The following AHCYL2 variants were observed in gnomAD, a reference collection of about 807,000 sequenced individuals.
The protein encoded by AHCYL2 is adenosylhomocysteinase like 2.
A neutral mutation model predicts 81.4 loss-of-function variants in AHCYL2; 28 were observed. The observed-to-expected ratio is 0.34, with a 90% CI of 0.25 to 0.47. The LOEUF (loss-of-function observed/expected upper bound fraction) is 0.47. Among genes scored for constraint, AHCYL2 ranks in the 20% least tolerant of loss-of-function variants. AHCYL2 has a pLI of 1.00. For missense variants in AHCYL2, 551 were observed against 785.1 expected (o/e 0.70, Z 3.56); for synonymous variants, 272 against 290.2 (o/e 0.94, Z 0.64).
intron 1 of AHCYL2, among the ~76,000 whole-genome samples, chr7:129,286,686 C>T (rs1796641838): frequency 6.6e-6 from 1 of 152,138 alleles, no homozygotes; most frequent in African/African-American, 2.4e-5. Flanking sequence ...GTCTCCAACT[C>T]CTGACCTCAA....
chr7:129,318,920 A>AT lies in AHCYL2; in HGVS notation c.364-60707dup, dbSNP rs1003171377. On this transcript the variant is annotated intron_variant, in intron 1 of 16. Transcript: ENST00000325006. Reference sequence around the variant, plus strand: ...GCCAGACAGTAAATTCGACTATATAATTTTTTTTTTTAATTTGGGGGTAGG... The same window carrying AT: ...GCCAGACAGTAAATTCGACTATATAATTTTTTTTTTTTAATTTGGGGGTAGG... Among the ~76,000 whole-genome samples the AT allele has an allele frequency of 3.9e-3, 573 of 148,782 alleles. 3 individuals are homozygous for AT. The highest frequency in any genetic ancestry group is 0.01 in the African/African-American group (424 of 40,824).
intron 1 of AHCYL2, among the ~76,000 whole-genome samples, chr7:129,367,279 C>T (rs992721689): frequency 6.6e-6 from 1 of 152,176 alleles, no homozygotes; most frequent in African/African-American, 2.4e-5. Flanking sequence ...TGGGAATTAA[C>T]ACTGTAAAGA....
chr7:129,414,886 TCAGCATTGC>T (rs1161825673), intron 12 of AHCYL2, among the ~76,000 whole-genome samples: 1 of 152,222 alleles, frequency 6.6e-6, no homozygotes, highest in Non-Finnish European at 1.5e-5. Context: ...TGATTGAGCT[TCAGCATTGC>T]CAGGTAAGGA....
chr7:129,352,937 CTTTTTT>C (rs59762582), intron 1 of AHCYL2, among the ~76,000 whole-genome samples: 45 of 82,550 alleles, frequency 5.5e-4, no homozygotes, highest in South Asian at 4.8e-4. Flanking sequence ...CCTCCTCATT[CTTTTTT>C]TTTTTTTTTT....
intron 1 of AHCYL2, among the ~76,000 whole-genome samples, chr7:129,327,710 C>CA (rs1364555355): frequency 3.3e-5 from 5 of 152,156 alleles, no homozygotes; most frequent in Admixed American, 6.5e-5. Flanking sequence ...GTGATCCACC[C>CA]ACCTTGGCCT....
Position 129,421,541 on chromosome 7 carries a change from A to G in AHCYL2, c.1462-1299A>G, listed in dbSNP as rs1584912829. On this transcript the variant is annotated intron_variant, in intron 12 of 16. Transcript: ENST00000325006. Reference sequence around the variant, plus strand: ...CTGATTGGTCAAAGATTAGGTACATATAAAATTTTGCTAGCTGCTGCCAAA... The same window carrying G: ...CTGATTGGTCAAAGATTAGGTACATGTAAAATTTTGCTAGCTGCTGCCAAA... 2.6e-5 allele frequency among the ~76,000 whole-genome samples: 4 copies of G among 152,234 alleles called. No homozygotes were observed. In the East Asian group the frequency reaches 7.7e-4, roughly 29 times the overall value.
At chr7:129,232,882 T>A (rs549256996) in intron 1 of AHCYL2, among the ~76,000 whole-genome samples, 1 of 152,316 alleles carries the variant, frequency 6.6e-6, no homozygotes, top group East Asian at 1.9e-4. Flanking sequence ...AGTTCTTCAC[T>A]GAAAAAGTGA....
intron 1 of AHCYL2, among the ~76,000 whole-genome samples, chr7:129,274,542 T>A (rs1416645018): frequency 6.6e-6 from 1 of 151,956 alleles, no homozygotes; most frequent in South Asian, 2.1e-4. Flanking sequence ...AGTGGTGGAG[T>A]CTATTTCCCT....
chr7:129,286,626 A>G (rs941488004), intron 1 of AHCYL2, among the ~76,000 whole-genome samples: 3 of 151,760 alleles, frequency 2.0e-5, no homozygotes, highest in African/African-American at 7.3e-5. Flanking sequence ...GTGCCTGGCT[A>G]ATTGTTTGTA....
rs199626798 is a variant in AHCYL2, at chr7:129,275,702, AATAG to A, written c.363+50273_363+50276del. 4.4e-3 allele frequency among the ~76,000 whole-genome samples: 674 copies of A among 152,318 alleles called. 2 individuals carry two copies. Among genetic ancestry groups the A allele is most frequent in the African/African-American group, 0.014 (588 of 41,580 alleles). ...TATGCATCTTATAGCATGGCCTTAA[AATAG>A]ATAGATAGAATACAAAATATGTAGA... On this transcript the variant is annotated intron_variant, in intron 1 of 16. Transcript: ENST00000325006.
At position 129,423,923 on chromosome 7, in the gene AHCYL2, T is replaced by C. The variant is rs115493494; in HGVS notation, c.1561-951T>C. On this transcript the variant is annotated intron_variant, in intron 13 of 16. Transcript: ENST00000325006. ...AGATTGCCAAATATGCATTAATAGC[T>C]TTGATGTCAGTCTGCTGACTGATGA... Among the ~76,000 whole-genome samples, 713 of 152,260 alleles carry C rather than the reference T, an allele frequency of 4.7e-3. 6 individuals are homozygous for C. Among genetic ancestry groups the C allele is most frequent in the African/African-American group, 0.017 (688 of 41,542 alleles).
At chr7:129,283,347 A>G in intron 1 of AHCYL2, 1 of 455,828 alleles carries the variant, frequency 2.2e-6, no homozygotes, top group Non-Finnish European at 4.4e-6. Context: ...GCTGTTCTTC[A>G]TTGCCTAATG....
In AHCYL2 at chr7:129,426,341, A is replaced by G; in HGVS notation, c.1709-102A>G. The G allele has an allele frequency of 1.3e-6, 2 of 1,557,226 alleles. No homozygotes were observed. The highest frequency in any genetic ancestry group is 4.5e-5 in the East Asian group (2 of 44,560). ...GAACATTTTTCATTCAGCTCCAGGAATTAGAAGGTGTCTTTGAACTTTTTA... is the reference window on the plus strand; with the variant it reads ...GAACATTTTTCATTCAGCTCCAGGAGTTAGAAGGTGTCTTTGAACTTTTTA... On this transcript the variant is annotated intron_variant, in intron 15 of 16. Transcript: ENST00000325006. The surrounding 1 kb of genome is among the most constrained non-coding windows in gnomAD (Gnocchi z 4.3).
At chr7:129,379,456 T>G (rs1794845743) in intron 1 of AHCYL2, among the ~76,000 whole-genome samples, 182 bp from the exon 2 acceptor site, 1 of 151,286 alleles carries the variant, frequency 6.6e-6, no homozygotes, top group Non-Finnish European at 1.5e-5. Flanking sequence ...CCCATCTCTA[T>G]TTAAAAAAAA....
rs1281280446 is a variant in AHCYL2 at position 129,368,542 on chromosome 7, T to A, written c.364-11096T>A. On this transcript the variant is annotated intron_variant, in intron 1 of 16. Transcript: ENST00000325006. The surrounding 1 kb of genome is among the most constrained non-coding windows in gnomAD (Gnocchi z 4.4). ...AGGGCACCTCAGCTTTTCACATGCC[T>A]GAGTGGATGGTGAGTTCACTGGTCG... 6.2e-7 allele frequency: 1 copy of A among 1,614,030 alleles called. No individual in the cohort carries two copies. The highest frequency in any genetic ancestry group is 8.5e-7 in the Non-Finnish European group (1 of 1,179,882).
chr7:129,352,372 A>G (rs1462952169), intron 1 of AHCYL2, among the ~76,000 whole-genome samples: 1 of 152,222 alleles, frequency 6.6e-6, no homozygotes, highest in Non-Finnish European at 1.5e-5. Flanking sequence ...GACAGCTTCC[A>G]GTCAAGCTGT....
intron 11 of AHCYL2, among the ~76,000 whole-genome samples, chr7:129,412,268 A>G (rs1454493168): frequency 1.3e-5 from 2 of 152,130 alleles, no homozygotes; most frequent in Non-Finnish European, 2.9e-5. Context: ...ATTTAAAACA[A>G]AAAAACAACA....
intron 1 of AHCYL2, among the ~76,000 whole-genome samples, chr7:129,348,408 A>C (rs1793438997): frequency 6.8e-6 from 1 of 146,066 alleles, no homozygotes; most frequent in South Asian, 2.4e-4. Context: ...CCCCCCACAC[A>C]CACACATACA....
At chr7:129,403,269 T>A in intron 6 of AHCYL2, 110 bp from the exon 7 acceptor site, 1 of 638,236 alleles carries the variant, frequency 1.6e-6, no homozygotes, top group Non-Finnish European at 2.6e-6. Flanking sequence ...ATATGGGAAA[T>A]TTTAAATATC....
Sources: allele counts gnomAD v4.1 joint callset (sites outside exome capture counted in the v4.1 genomes callset), GRCh38; gene constraint gnomAD v4.1.1; non-coding constraint Gnocchi (gnomAD v3.1); transcripts MANE v1.5; gene names NCBI Gene and HGNC (gene_info 2026-07-23, HGNC 2026-07-21).